Variants in SERGEF observed in about 807,000 individuals in gnomAD.
The protein encoded by SERGEF is secretion regulating guanine nucleotide exchange factor.
In SERGEF, 51 loss-of-function variants were observed where a neutral mutation model predicts 50.0. The ratio of observed to expected loss-of-function variants is 1.02; its 90% CI spans 0.81 to 1.29. The LOEUF (loss-of-function observed/expected upper bound fraction) is 1.29. SERGEF is among the 50% of genes most tolerant of loss of function. The probability of loss-of-function intolerance (pLI) is 0.00; values close to 1 mark genes in which losing one functional copy is unlikely to be tolerated. For missense variants in SERGEF, 521 were observed against 557.0 expected (o/e 0.94, Z 0.65); for synonymous variants, 205 against 212.4 (o/e 0.97, Z 0.30).
rs1853710793 is a variant in SERGEF at position 17,991,506 on chromosome 11, T to C, written c.685+1425A>G. Among the ~76,000 whole-genome samples the C allele has an allele frequency of 6.6e-6, 1 of 152,178 alleles. No individual in the cohort carries two copies. On this transcript the variant is annotated intron_variant, in intron 7 of 10. Coordinates refer to ENST00000265965, the MANE Select transcript of SERGEF (RefSeq NM_012139.4). The surrounding 1 kb of genome is among the most constrained non-coding windows in gnomAD (Gnocchi z 4.9). ...GACTGTGGGGCACGAACACATCACT[T>C]CTCACCCTAAGGTCTCTAGTCCTTC...
chr11:18,007,816 A>G, intron 2 of SERGEF, 125 bp downstream of exon 2: 6 of 1,040,620 alleles, frequency 5.8e-6, no homozygotes, highest in Non-Finnish European at 8.1e-6. Context: ...TTTCACAAAA[A>G]TGTTTCACAA....
chr11:17,798,824 T>C (rs183715688), intron 10 of SERGEF, among the ~76,000 whole-genome samples: 197 of 152,318 alleles, frequency 1.3e-3, no homozygotes, highest in Middle Eastern at 0.01. Flanking sequence ...CCATCTCATT[T>C]AACAGCTCTG....
intron 9 of SERGEF, among the ~76,000 whole-genome samples, chr11:17,945,970 C>T (rs1242842994): frequency 1.3e-5 from 2 of 152,182 alleles, no homozygotes; most frequent in East Asian, 1.9e-4. Flanking sequence ...AAGAGTAAAA[C>T]TCCACCTCAA....
In SERGEF at chr11:17,967,326, C is replaced by A. The variant is rs369614924; in HGVS notation, c.845-7690G>T. ...TCCACTTTTCACGTGGTCACACTGG[C>A]TCTTCAAAAGTGAACATTCGCAAGG... On this transcript the variant is annotated intron_variant, in intron 8 of 10. Transcript: ENST00000265965. Among the ~76,000 whole-genome samples, 3 of 152,286 alleles carry A rather than the reference C, an allele frequency of 2.0e-5. No homozygotes were observed. The South Asian group carries it at 6.2e-4, about 32-fold the overall frequency.
chr11:17,863,872 T>C (rs1178441650), intron 10 of SERGEF, among the ~76,000 whole-genome samples: 4 of 152,216 alleles, frequency 2.6e-5, no homozygotes, highest in South Asian at 2.1e-4. Flanking sequence ...ATGGCAAGTA[T>C]AGATGGTCTG....
chr11:18,008,176 CCCT>C, intron 1 of SERGEF, 100 bp from the exon 2 acceptor site: 1 of 1,218,160 alleles, frequency 8.2e-7, no homozygotes, highest in East Asian at 2.4e-5. Flanking sequence ...ATCTCTCAGA[CCCT>C]GTAACAGATG....
intron 10 of SERGEF, among the ~76,000 whole-genome samples, chr11:17,803,925 G>C (rs933187135): frequency 2.0e-5 from 3 of 152,200 alleles, no homozygotes; most frequent in Non-Finnish European, 2.9e-5. Context: ...ACTAAGCATT[G>C]CTATGGAAAC....
intron 10 of SERGEF, among the ~76,000 whole-genome samples, chr11:17,828,597 G>A (rs1850243507): frequency 6.6e-6 from 1 of 152,154 alleles, no homozygotes; most frequent in Admixed American, 6.5e-5. Context: ...TGGGAAAACC[G>A]CTTTTACTCT....
chr11:17,832,620 A>G (rs1482491234), intron 10 of SERGEF, among the ~76,000 whole-genome samples: 1 of 152,128 alleles, frequency 6.6e-6, no homozygotes, highest in Non-Finnish European at 1.5e-5. Flanking sequence ...AAATGTGGGG[A>G]AAGTTTGGAA....
At chr11:17,875,397 G>A (rs1410805504) in intron 10 of SERGEF, among the ~76,000 whole-genome samples, 1 of 152,192 alleles carries the variant, frequency 6.6e-6, no homozygotes, top group African/African-American at 2.4e-5. Flanking sequence ...GCATCACCTG[G>A]GATTAGTTTA....
chr11:17,952,797 T>C (rs2133965456), intron 9 of SERGEF, among the ~76,000 whole-genome samples: 1 of 152,210 alleles, frequency 6.6e-6, no homozygotes, highest in South Asian at 2.1e-4. Context: ...TGCCACAGCC[T>C]CCCAGTCACC....
intron 8 of SERGEF, among the ~76,000 whole-genome samples, chr11:17,979,087 A>G (rs2133987899): frequency 6.6e-6 from 1 of 152,306 alleles, no homozygotes. Context: ...CTCCCTTCTC[A>G]AAGACAGAAG....
chr11:17,830,733 A>G (rs1365907006), intron 10 of SERGEF, among the ~76,000 whole-genome samples: 3 of 146,282 alleles, frequency 2.1e-5, no homozygotes, highest in Middle Eastern at 3.6e-3. Context: ...GACTCCCTCC[A>G]TAACAGCATT....
chr11:17,988,837 A>G (rs1853651662), intron 7 of SERGEF, 82 bp from the exon 8 acceptor site: 1 of 1,399,558 alleles, frequency 7.1e-7, no homozygotes, highest in Non-Finnish European at 9.8e-7. Context: ...CTAAAAAATA[A>G]GTGGTTAAAA....
At chr11:17,806,817 T>G (rs966333726) in intron 10 of SERGEF, among the ~76,000 whole-genome samples, 4 of 152,006 alleles carry the variant, frequency 2.6e-5, no homozygotes, top group Non-Finnish European at 4.4e-5. Flanking sequence ...ACCAGCAGGA[T>G]TCAGAGAGGT....
In SERGEF at chr11:17,828,814, C is replaced by T. The variant is rs1009533; in HGVS notation, c.1049-40401G>A. On this transcript the variant is annotated intron_variant, in intron 10 of 10. Coordinates refer to ENST00000265965, the MANE Select transcript of SERGEF (RefSeq NM_012139.4). The stretch of plus-strand genomic sequence containing the variant: ...AGTCCTAGTGCCTGAGCTTTAAATA[C>T]GACATTCAACCCCTGCTTCCCCGAG... Among the ~76,000 whole-genome samples the T allele has an allele frequency of 2.8e-3, 431 of 152,246 alleles. 1 individual carries two copies. Among genetic ancestry groups the T allele is most frequent in the African/African-American group, 9.8e-3 (407 of 41,540 alleles).
intron 10 of SERGEF, among the ~76,000 whole-genome samples, chr11:17,834,069 G>A (rs928868989): frequency 5.3e-5 from 8 of 152,112 alleles, no homozygotes; most frequent in African/African-American, 1.9e-4. Context: ...AAATGATATG[G>A]TTTAGCTCCG....
chr11:17,797,735 A>C (rs1413637839), intron 10 of SERGEF, among the ~76,000 whole-genome samples: 1 of 152,216 alleles, frequency 6.6e-6, no homozygotes, highest in African/African-American at 2.4e-5. Flanking sequence ...GAAAGGACAA[A>C]TGAATGAATG....
At chr11:17,990,358 T>A (rs917176243) in intron 7 of SERGEF, among the ~76,000 whole-genome samples, 9 of 152,220 alleles carry the variant, frequency 5.9e-5, no homozygotes, top group African/African-American at 2.2e-4. Flanking sequence ...AACATTGACA[T>A]TCTGCAGTTC....
Sources: allele counts gnomAD v4.1 joint callset (sites outside exome capture counted in the v4.1 genomes callset), GRCh38; gene constraint gnomAD v4.1.1; non-coding constraint Gnocchi (gnomAD v3.1); transcripts MANE v1.5; gene names NCBI Gene and HGNC (gene_info 2026-07-23, HGNC 2026-07-21).